Variants in CHODL observed in about 807,000 individuals in gnomAD.
The protein encoded by CHODL is chondrolectin.
A neutral mutation model predicts 34.5 loss-of-function variants in CHODL; 29 were observed. That is an observed-to-expected ratio of 0.84 (90% CI 0.63 to 1.15). The LOEUF (loss-of-function observed/expected upper bound fraction) is 1.15, where lower values mean the gene tolerates loss of function less well. Ranked by LOEUF, CHODL falls within the 50% of genes most tolerant of loss-of-function variation. The pLI, the probability that CHODL is intolerant of heterozygous loss-of-function variation, is 0.00. For missense variants in CHODL, 332 were observed against 332.5 expected (o/e 1.00, Z 0.01); for synonymous variants, 125 against 116.1 (o/e 1.08, Z -0.49).
At chr21:18,251,530 ATTT>A (rs2074245076) in intron 1 of CHODL, among the ~76,000 whole-genome samples, 1 of 534 alleles carries the variant, frequency 1.9e-3, no homozygotes, top group Non-Finnish European at 4.1e-3. Context: ...TATTTATTTT[ATTT>A]ATTATTTTAA....
At chr21:18,012,908 G>A (rs182236795) in intron 1 of CHODL, among the ~76,000 whole-genome samples, 10 of 150,006 alleles carry the variant, frequency 6.7e-5, no homozygotes, top group East Asian at 1.9e-4. Flanking sequence ...TATTGCTGTC[G>A]TTCAGTAAAT....
chr21:17,920,704 A>C (rs1027953483), intron 1 of CHODL, among the ~76,000 whole-genome samples: 1 of 152,202 alleles, frequency 6.6e-6, no homozygotes, highest in African/African-American at 2.4e-5. Flanking sequence ...TATTATTATT[A>C]ACATTGTATG....
chr21:18,233,443 C>G (rs1328606415), intron 2 of CHODL, among the ~76,000 whole-genome samples: 1 of 151,970 alleles, frequency 6.6e-6, no homozygotes, highest in African/African-American at 2.4e-5. Flanking sequence ...GCTATAGTAT[C>G]ATAAGACATT....
intron 2 of CHODL, among the ~76,000 whole-genome samples, chr21:18,028,898 G>C (rs1287821552): frequency 1.3e-5 from 2 of 151,912 alleles, no homozygotes; most frequent in South Asian, 2.1e-4. Flanking sequence ...ATAATAGCTG[G>C]CATACCTATT....
intron 2 of CHODL, among the ~76,000 whole-genome samples, chr21:18,036,802 A>G (rs2064316500): frequency 6.6e-6 from 1 of 151,944 alleles, no homozygotes; most frequent in Non-Finnish European, 1.5e-5. Context: ...TAAAATTCCC[A>G]TAAAATAATT....
At chr21:18,214,766 C>A (rs2073807360) in intron 2 of CHODL, among the ~76,000 whole-genome samples, 1 of 152,062 alleles carries the variant, frequency 6.6e-6, no homozygotes, top group Non-Finnish European at 1.5e-5. Flanking sequence ...CAACTTAGTA[C>A]AGAGAACATT....
At chr21:18,004,676 C>T (rs892856470) in intron 1 of CHODL, among the ~76,000 whole-genome samples, 5 of 152,150 alleles carry the variant, frequency 3.3e-5, no homozygotes, top group Non-Finnish European at 7.3e-5. Flanking sequence ...TCTCACAAAG[C>T]TCATGCAAAC....
chr21:18,219,978 T>C (rs2073866787), intron 2 of CHODL, among the ~76,000 whole-genome samples: 1 of 152,202 alleles, frequency 6.6e-6, no homozygotes, highest in Non-Finnish European at 1.5e-5. Context: ...CCTGTGTTTT[T>C]GACATCTTAG....
intron 2 of CHODL, chr21:18,134,415 C>CG: frequency 4.0e-6 from 2 of 501,284 alleles, no homozygotes; most frequent in South Asian, 2.9e-5. Context: ...AGGTGGATCT[C>CG]TAAGTTTGCT....
intron 2 of CHODL, among the ~76,000 whole-genome samples, chr21:18,210,714 C>A (rs193115372): frequency 1.1e-3 from 173 of 152,304 alleles, no homozygotes; most frequent in African/African-American, 4.0e-3. Flanking sequence ...AGGCTGCTAT[C>A]ATTTCTTACA....
intron 1 of CHODL, among the ~76,000 whole-genome samples, chr21:17,968,444 G>T (rs1405014116): frequency 1.3e-5 from 2 of 152,172 alleles, no homozygotes; most frequent in Non-Finnish European, 2.9e-5. Flanking sequence ...GAACTGATGT[G>T]CTTGTTTGGA....
intron 2 of CHODL, among the ~76,000 whole-genome samples, chr21:18,075,958 G>A (rs1020653112): frequency 9.9e-5 from 15 of 152,170 alleles, no homozygotes; most frequent in Non-Finnish European, 1.9e-4. Flanking sequence ...CTGTTTACAA[G>A]TCAGGACGTG....
intron 2 of CHODL, among the ~76,000 whole-genome samples, chr21:18,071,754 T>A (rs891509389): frequency 3.3e-5 from 5 of 151,932 alleles, no homozygotes; most frequent in African/African-American, 1.2e-4. Context: ...ATTACATTTC[T>A]ATTTCATTCT....
intron 2 of CHODL, among the ~76,000 whole-genome samples, chr21:18,093,847 AAC>A (rs1412569449): frequency 6.6e-6 from 1 of 152,142 alleles, no homozygotes; most frequent in African/African-American, 2.4e-5. Flanking sequence ...ACAACCTGAA[AAC>A]ACATAACAAA....
intron 2 of CHODL, among the ~76,000 whole-genome samples, chr21:18,178,009 C>T (rs1746795430): frequency 6.6e-6 from 1 of 152,132 alleles, no homozygotes; most frequent in African/African-American, 2.4e-5. Context: ...TCTCCAATTT[C>T]CACAGTAGAT....
chr21:18,203,413 TC>T (rs748811495), intron 2 of CHODL, among the ~76,000 whole-genome samples: 1 of 152,176 alleles, frequency 6.6e-6, no homozygotes, highest in Non-Finnish European at 1.5e-5. Context: ...TGCAGTTCGT[TC>T]TAAAACTTCA....
chr21:17,924,489 C>G (rs188138426), intron 1 of CHODL, among the ~76,000 whole-genome samples: 1 of 152,170 alleles, frequency 6.6e-6, no homozygotes, highest in Non-Finnish European at 1.5e-5. Flanking sequence ...CTGCCAACTC[C>G]TCTTCCCTGG....
chr21:17,967,724 ATACT>A (rs1473688026), intron 1 of CHODL, among the ~76,000 whole-genome samples: 1 of 150,910 alleles, frequency 6.6e-6, no homozygotes, highest in African/African-American at 2.4e-5. Flanking sequence ...GAGAGTGTAC[ATACT>A]TTCCGTAACT....
intron 1 of CHODL, among the ~76,000 whole-genome samples, chr21:17,977,867 C>T (rs545836560): frequency 2.6e-4 from 34 of 133,174 alleles, no homozygotes; most frequent in African/African-American, 6.0e-4. Flanking sequence ...TGCAGTGAGC[C>T]GAGATCGCGC....
Sources: gnomAD v4.1 joint callset for allele counts (sites outside exome capture counted in the v4.1 genomes callset) on GRCh38, gnomAD v4.1.1 for gene constraint, MANE v1.5 for transcripts, NCBI Gene and HGNC (gene_info 2026-07-23, HGNC 2026-07-21) for gene names.